The following ARHGAP22 variants were observed in gnomAD, a reference collection of about 807,000 sequenced individuals.
ARHGAP22 encodes the protein rho GTPase-activating protein 22.
A neutral mutation model predicts 59.1 loss-of-function variants in ARHGAP22; 48 were observed. The observed-to-expected ratio is 0.81, with a 90% CI of 0.64 to 1.03. The LOEUF (loss-of-function observed/expected upper bound fraction) is 1.03. Ranked by LOEUF, ARHGAP22 falls within the 50% of genes least tolerant of loss-of-function variation. The probability of loss-of-function intolerance (pLI) is 0.00; values close to 1 mark genes in which losing one functional copy is unlikely to be tolerated. For synonymous variants in ARHGAP22, 445 were observed against 416.4 expected (o/e 1.07, Z -0.84); for missense variants, 1,015 against 958.7 (o/e 1.06, Z -0.78).
intron 3 of ARHGAP22, 60 bp from the exon 4 acceptor site, chr10:48,479,824 G>A (rs111886264): frequency 6.6e-5 from 96 of 1,454,816 alleles, no homozygotes; most frequent in African/African-American, 1.8e-4. Flanking sequence ...ACTCTCCACC[G>A]CCGGCACTAG....
intron 1 of ARHGAP22, among the ~76,000 whole-genome samples, chr10:48,617,232 T>G (rs1309453398): frequency 1.3e-5 from 2 of 152,004 alleles, no homozygotes; most frequent in Non-Finnish European, 2.9e-5. Context: ...AAGAGAGAGA[T>G]AGACCCCAAA....
In ARHGAP22 at chr10:48,450,294, C is replaced by T. The variant is rs761927393; in HGVS notation, c.1835G>A (p.Arg612His). 4.4e-6 allele frequency: 7 copies of T among 1,608,098 alleles called. No homozygotes were observed. The highest frequency in any genetic ancestry group is 4.0e-5 in the African/African-American group (3 of 74,850). Residue 612 changes from arginine to histidine, a missense_variant, in exon 9 of 10, where the codon CGC becomes CAC. Physicochemically the swap from Arg to His is conservative, Grantham distance 29 (BLOSUM62 0). Transcript: ENST00000249601. ...ACTCCTCTCGTACTCAGTCCGCTGG[C>T]GGCACAGCTCGGCCCTGAGCTCAGT... ...LVTELRAELC[R>H]QRTEYERSVK...
intron 2 of ARHGAP22, among the ~76,000 whole-genome samples, chr10:48,572,182 T>C (rs1341202636): frequency 8.0e-6 from 1 of 124,886 alleles, no homozygotes; most frequent in East Asian, 9.0e-4. Context: ...CCCAAGGCCA[T>C]TCCAACCAAC....
chr10:48,549,679 T>C (rs1020905915), intron 3 of ARHGAP22, among the ~76,000 whole-genome samples: 2 of 152,186 alleles, frequency 1.3e-5, no homozygotes, highest in African/African-American at 2.4e-5. Context: ...TATACGGTCC[T>C]CCTCCTCTTG....
At chr10:48,530,547 A>G (rs1589978712) in intron 3 of ARHGAP22, among the ~76,000 whole-genome samples, 1 of 152,212 alleles carries the variant, frequency 6.6e-6, no homozygotes, top group East Asian at 1.9e-4. Flanking sequence ...TCCAGAATCT[A>G]AAAAGAACTC....
Position 48,446,121 on chromosome 10 carries a change from A to C in ARHGAP22, c.*270T>G. 2.1e-6 allele frequency: 1 copy of C among 479,010 alleles called. No individual in the cohort carries two copies. 29.7% of individuals were successfully genotyped at this position (479,010 alleles called of 1,614,324 possible). A position where few individuals can be genotyped will look rare whatever the true frequency, so the allele number is the denominator to read the frequency against. ...GGCGCCCTCCATTTCTGTGGCCATG[A>C]AGGATATTTCCTGGGTAAGGGCTAA... On this transcript the variant is annotated 3_prime_UTR_variant, in exon 10 of 10. Coordinates refer to ENST00000249601, the MANE Select transcript of ARHGAP22 (RefSeq NM_021226.4).
chr10:48,556,251 T>C (rs2057302137), intron 2 of ARHGAP22, among the ~76,000 whole-genome samples: 1 of 151,788 alleles, frequency 6.6e-6, no homozygotes, highest in East Asian at 1.9e-4. Context: ...CCGCTCAATG[T>C]CTCTGAACCT....
At chr10:48,585,781 G>A (rs545947728) in intron 1 of ARHGAP22, among the ~76,000 whole-genome samples, 1 of 152,324 alleles carries the variant, frequency 6.6e-6, no homozygotes, top group South Asian at 2.1e-4. Context: ...CTCTAGCCTT[G>A]CCTTGGCTGT....
chr10:48,623,164 T>G (rs2061339408), intron 1 of ARHGAP22, among the ~76,000 whole-genome samples: 1 of 152,194 alleles, frequency 6.6e-6, no homozygotes. Context: ...TGTTCTCCAG[T>G]GAGGAGCTTG....
intron 3 of ARHGAP22, among the ~76,000 whole-genome samples, chr10:48,497,804 C>T (rs2051094950): frequency 6.6e-6 from 1 of 152,298 alleles, no homozygotes; most frequent in African/African-American, 2.4e-5. Flanking sequence ...TAAACGGACC[C>T]CTCTCACTCT....
the ARHGAP22 span, chr10:48,434,978 TACAG>T: frequency 1.4e-6 from 2 of 1,425,108 alleles, no homozygotes; most frequent in African/African-American, 1.5e-5. Flanking sequence ...TGGCCTCTGA[TACAG>T]ACAGCAGTCT....
intron 1 of ARHGAP22, among the ~76,000 whole-genome samples, chr10:48,651,359 C>G (rs1459399260): frequency 6.6e-6 from 1 of 152,142 alleles, no homozygotes; most frequent in Non-Finnish European, 1.5e-5. Context: ...CAACCATCAC[C>G]TACACAGCCC....
chr10:48,641,436 T>C (rs1230203888), intron 1 of ARHGAP22, among the ~76,000 whole-genome samples: 2 of 152,174 alleles, frequency 1.3e-5, no homozygotes, highest in African/African-American at 4.8e-5. Context: ...CAAGGCTGGT[T>C]CAACATACGC....
intron 2 of ARHGAP22, 139 bp from the exon 3 acceptor site, chr10:48,555,689 GCA>G: frequency 1.4e-6 from 1 of 720,122 alleles, no homozygotes; most frequent in Non-Finnish European, 2.4e-6. Flanking sequence ...TCAGAGAGGG[GCA>G]CACACCTCCT....
chr10:48,539,566 C>G (rs546831095), intron 3 of ARHGAP22, among the ~76,000 whole-genome samples: 1 of 152,222 alleles, frequency 6.6e-6, no homozygotes, highest in Admixed American at 6.5e-5. Context: ...GCTGGGATTA[C>G]AGGCGTGAGC....
chr10:48,502,042 G>A (rs2051580218), intron 3 of ARHGAP22, among the ~76,000 whole-genome samples: 1 of 152,172 alleles, frequency 6.6e-6, no homozygotes, highest in Non-Finnish European at 1.5e-5. Flanking sequence ...GAGAGAGTCA[G>A]GAACTTGTGT....
At chr10:48,444,639 C>T (rs2045282495), downstream of ARHGAP22, 1 of 152,176 alleles carries the variant, frequency 6.6e-6, no homozygotes, top group African/African-American at 2.4e-5. Flanking sequence ...CTCCTCTGCT[C>T]CTTTGATAGC....
intron 1 of ARHGAP22, among the ~76,000 whole-genome samples, chr10:48,640,292 G>T (rs1036251188): frequency 6.6e-6 from 1 of 151,992 alleles, no homozygotes; most frequent in Admixed American, 6.6e-5. Context: ...AGACAAAAAA[G>T]AAAAAGACAG....
the ARHGAP22 span, among the ~76,000 whole-genome samples, chr10:48,434,003 G>GT: frequency 6.6e-6 from 1 of 152,164 alleles, no homozygotes. Context: ...ACTTAGCCTA[G>GT]TGCATGAGTT....
Sources: gnomAD v4.1 joint callset for allele counts (sites outside exome capture counted in the v4.1 genomes callset) on GRCh38, gnomAD v4.1.1 for gene constraint, MANE v1.5 for transcripts, NCBI Gene and HGNC (gene_info 2026-07-23, HGNC 2026-07-21) for gene names.